Variants in POC1A observed in about 807,000 individuals in gnomAD.
POC1A encodes the protein POC1 centriolar protein homolog A.
Under a neutral mutation model 47.8 loss-of-function variants are expected in POC1A, and 34 were observed. The observed-to-expected ratio is 0.71, with a 90% confidence interval of 0.54 to 0.95. The LOEUF (loss-of-function observed/expected upper bound fraction) is 0.95. Among genes scored for constraint, POC1A ranks in the 40% least tolerant of loss-of-function variants. The pLI is 0.00. For missense variants in POC1A, 466 were observed against 528.3 expected (o/e 0.88, Z 1.16); for synonymous variants, 177 against 207.6 (o/e 0.85, Z 1.27).
intron 10 of POC1A, among the ~76,000 whole-genome samples, chr3:52,080,065 C>G (rs1230607349): frequency 6.6e-6 from 1 of 152,142 alleles, no homozygotes; most frequent in Non-Finnish European, 1.5e-5. Flanking sequence ...TTTCACGGGA[C>G]GCTCGTGTGT....
At chr3:52,142,602 CAAG>C (rs1464710933) in intron 6 of POC1A, among the ~76,000 whole-genome samples, 1 of 152,210 alleles carries the variant, frequency 6.6e-6, no homozygotes, top group African/African-American at 2.4e-5. Context: ...AATCCTCTCA[CAAG>C]AGCCCATCAG....
chr3:52,115,852 T>C (rs148180845), intron 9 of POC1A, among the ~76,000 whole-genome samples: 95 of 152,236 alleles, frequency 6.2e-4, no homozygotes, highest in African/African-American at 2.2e-3. Flanking sequence ...TGGTATTTTG[T>C]TATAGCATCC....
chr3:52,122,645 GAGC>G (rs1226820031), intron 8 of POC1A, among the ~76,000 whole-genome samples, 168 bp from the exon 9 acceptor site: 8 of 152,220 alleles, frequency 5.3e-5, no homozygotes, highest in Non-Finnish European at 1.0e-4. Flanking sequence ...CCTCCCTGGG[GAGC>G]AGGCTTTGTG....
intron 4 of POC1A, among the ~76,000 whole-genome samples, chr3:52,148,476 C>CTCTTTGAAGATAGCTT (rs1698442182): frequency 6.6e-6 from 1 of 152,232 alleles, no homozygotes; most frequent in Non-Finnish European, 1.5e-5. Context: ...AGATATTTGA[C>CTCTTTGAAGATAGCTT]CCATGGGGAA....
intron 10 of POC1A, among the ~76,000 whole-genome samples, chr3:52,095,962 G>A (rs777917277): frequency 1.9e-4 from 29 of 152,372 alleles, no homozygotes; most frequent in Middle Eastern, 3.4e-3. Context: ...TCTCAGTGAC[G>A]AGGGTGGTCA....
intron 4 of POC1A, 112 bp downstream of exon 4, chr3:52,149,098 A>T: frequency 1.2e-6 from 1 of 818,662 alleles, no homozygotes; most frequent in Non-Finnish European, 2.0e-6. Context: ...GAGGAAGCTT[A>T]AACAATGCCT....
intron 10 of POC1A, among the ~76,000 whole-genome samples, chr3:52,094,866 T>C (rs748120164): frequency 1.3e-5 from 2 of 152,202 alleles, no homozygotes; most frequent in East Asian, 1.9e-4. Flanking sequence ...CACCCAGCCA[T>C]GGGCCAAAGG....
At chr3:52,078,121 T>C (rs2106917448) in intron 10 of POC1A, among the ~76,000 whole-genome samples, 1 of 152,248 alleles carries the variant, frequency 6.6e-6, no homozygotes, top group East Asian at 1.9e-4. Context: ...TCAAGGCAGT[T>C]TCTCCCCCTC....
intron 10 of POC1A, among the ~76,000 whole-genome samples, chr3:52,092,173 GA>G (rs1342550122): frequency 6.6e-6 from 1 of 152,236 alleles, no homozygotes; most frequent in African/African-American, 2.4e-5. Context: ...CTGGGGCAAG[GA>G]GGGGTCATCC....
intron 10 of POC1A, among the ~76,000 whole-genome samples, chr3:52,077,706 A>C (rs1403231514): frequency 1.3e-5 from 2 of 152,230 alleles, no homozygotes; most frequent in Admixed American, 6.5e-5. Context: ...TGTGAAACTC[A>C]TAGGGCCAAA....
chr3:52,076,071 G>T, intron 10 of POC1A, 86 bp from the exon 11 acceptor site: 1 of 1,004,098 alleles, frequency 1.0e-6, no homozygotes, highest in Non-Finnish European at 1.6e-6. Context: ...CCACTTGGCT[G>T]CCTCAGCCAC....
chr3:52,100,389 A>G (rs1188023064), intron 9 of POC1A, among the ~76,000 whole-genome samples: 3 of 152,216 alleles, frequency 2.0e-5, no homozygotes, highest in Non-Finnish European at 2.9e-5. Context: ...TGCCTAGGAT[A>G]TATAAAGCTG....
At chr3:52,094,480 A>C (rs1702743851) in intron 10 of POC1A, among the ~76,000 whole-genome samples, 2 of 152,250 alleles carry the variant, frequency 1.3e-5, no homozygotes. Flanking sequence ...TGTGGCTGGA[A>C]CATCTCAGCT....
intron 9 of POC1A, among the ~76,000 whole-genome samples, chr3:52,102,399 G>C (rs1293054017): frequency 6.6e-6 from 1 of 152,148 alleles, no homozygotes; most frequent in Non-Finnish European, 1.5e-5. Context: ...TCAGCTTCTG[G>C]TGGCTCCATA....
chr3:52,125,842 C>G (rs910964912), intron 7 of POC1A, among the ~76,000 whole-genome samples: 1 of 152,232 alleles, frequency 6.6e-6, no homozygotes, highest in African/African-American at 2.4e-5. Context: ...GCGTGACCAT[C>G]TGAAGGGGAA....
chr3:52,150,899 G>T, intron 2 of POC1A, 117 bp downstream of exon 2: 1 of 858,288 alleles, frequency 1.2e-6, no homozygotes. Context: ...ACTAGAAGCA[G>T]GTCTAGACAA....
chr3:52,116,710 G>T (rs1243808700), intron 9 of POC1A, among the ~76,000 whole-genome samples: 1 of 152,092 alleles, frequency 6.6e-6, no homozygotes, highest in Non-Finnish European at 1.5e-5. Context: ...TAATCTCCTG[G>T]ATTGGCTTTC....
chr3:52,138,056 C>A, intron 7 of POC1A, 113 bp downstream of exon 7: 1 of 1,142,638 alleles, frequency 8.8e-7, no homozygotes. Flanking sequence ...TGCCTCCATC[C>A]ATCTCCCTGC....
chr3:52,133,506 C>A (rs899553046), intron 7 of POC1A, among the ~76,000 whole-genome samples: 2 of 152,174 alleles, frequency 1.3e-5, no homozygotes, highest in Non-Finnish European at 2.9e-5. Flanking sequence ...ACCAAACCAC[C>A]CGCACGCTGA....
Sources: gnomAD v4.1 joint callset for allele counts (sites outside exome capture counted in the v4.1 genomes callset) on GRCh38, gnomAD v4.1.1 for gene constraint, MANE v1.5 for transcripts, NCBI Gene and HGNC (gene_info 2026-07-23, HGNC 2026-07-21) for gene names.